The following TXNDC16 variants were observed in gnomAD, a reference collection of about 807,000 sequenced individuals.
TXNDC16 encodes the protein thioredoxin domain containing 16.
In TXNDC16, 74 loss-of-function variants were observed where a neutral mutation model predicts 85.6. The ratio of observed to expected loss-of-function variants is 0.86; its 90% confidence interval spans 0.72 to 1.05. The LOEUF (loss-of-function observed/expected upper bound fraction) is 1.05. TXNDC16 is among the 50% of genes least tolerant of loss of function. The probability of loss-of-function intolerance (pLI) is 0.00; values close to 1 mark genes in which losing one functional copy is unlikely to be tolerated. For synonymous variants in TXNDC16, 335 were observed against 326.5 expected (o/e 1.03, Z -0.28); for missense variants, 959 against 947.0 (o/e 1.01, Z -0.17).
intron 1 of TXNDC16, among the ~76,000 whole-genome samples, chr14:52,546,986 C>T (rs1184180679): frequency 6.6e-6 from 1 of 152,080 alleles, no homozygotes; most frequent in Non-Finnish European, 1.5e-5. Context: ...CCTATGTTCC[C>T]GTGGCTAATG....
chr14:52,488,695 G>A (rs1489671931), intron 11 of TXNDC16, among the ~76,000 whole-genome samples: 1 of 151,738 alleles, frequency 6.6e-6, no homozygotes, highest in Admixed American at 6.6e-5. Context: ...TTAGACTGGC[G>A]TGGTGGCGCA....
At chr14:52,497,165 A>G (rs1475674844) in intron 9 of TXNDC16, among the ~76,000 whole-genome samples, 2 of 152,156 alleles carry the variant, frequency 1.3e-5, no homozygotes, top group African/African-American at 4.8e-5. Flanking sequence ...AACTTTCAAA[A>G]ATGATATAAT....
At chr14:52,533,921 T>C (rs2037641294) in intron 6 of TXNDC16, among the ~76,000 whole-genome samples, 1 of 152,162 alleles carries the variant, frequency 6.6e-6, no homozygotes, top group African/African-American at 2.4e-5. Flanking sequence ...GGAATGCAGA[T>C]GCACATATAA....
At chr14:52,505,085 C>T (rs1399345198) in intron 9 of TXNDC16, among the ~76,000 whole-genome samples, 2 of 152,160 alleles carry the variant, frequency 1.3e-5, no homozygotes, top group Admixed American at 6.6e-5. Context: ...TTCTTAGCGA[C>T]CTACAAAGAG....
At chr14:52,500,551 T>A (rs779070312) in intron 9 of TXNDC16, among the ~76,000 whole-genome samples, 12 of 152,206 alleles carry the variant, frequency 7.9e-5, no homozygotes, top group Non-Finnish European at 8.8e-5. Context: ...ACAACGTACA[T>A]CAGCTAATAC....
chr14:52,489,416 G>C (rs1049009549), intron 11 of TXNDC16, among the ~76,000 whole-genome samples: 1 of 151,918 alleles, frequency 6.6e-6, no homozygotes, highest in Non-Finnish European at 1.5e-5. Flanking sequence ...GTTCTTGACT[G>C]TAACTCTATA....
intron 4 of TXNDC16, 23 bp downstream of exon 4, chr14:52,542,348 T>C (rs376997248): frequency 2.6e-6 from 4 of 1,514,626 alleles, no homozygotes; most frequent in Middle Eastern, 1.7e-4. Flanking sequence ...ACTAATATTT[T>C]AGTAACATAA....
At chr14:52,472,853 AG>A (rs1042593098) in intron 14 of TXNDC16, among the ~76,000 whole-genome samples, 2 of 152,134 alleles carry the variant, frequency 1.3e-5, no homozygotes, top group Non-Finnish European at 1.5e-5. Context: ...TTTCTAACAA[AG>A]AGCAGCCTGC....
chr14:52,520,234 A>C (rs2037177466), intron 6 of TXNDC16, among the ~76,000 whole-genome samples: 1 of 152,186 alleles, frequency 6.6e-6, no homozygotes, highest in Admixed American at 6.5e-5. Flanking sequence ...TAGTCCAGTA[A>C]TCTTTCCACT....
At position 52,533,540 on chromosome 14, in the gene TXNDC16, G is replaced by T. The variant is rs911576311; in HGVS notation, c.392+3179C>A. Among the ~76,000 whole-genome samples, 7 of 152,286 alleles carry T rather than the reference G, an allele frequency of 4.6e-5. No individual in the cohort carries two copies. In the East Asian group the frequency reaches 1.2e-3, roughly 25 times the overall value. The stretch of plus-strand genomic sequence containing the variant: ...ATCACTTGCCTGCCTACAGCGCTTT[G>T]CTGGGCAATCAGGTGTTAAAGTAGT... On this transcript the variant is annotated intron_variant, in intron 6 of 20. Transcript: ENST00000281741.
intron 18 of TXNDC16, among the ~76,000 whole-genome samples, chr14:52,444,143 CT>C (rs2035228108): frequency 6.6e-6 from 1 of 152,130 alleles, no homozygotes; most frequent in African/African-American, 2.4e-5. Flanking sequence ...TACTGAGACA[CT>C]AAGGAGAAAC....
In TXNDC16 at chr14:52,496,788, T is replaced by C. The variant is rs113278865; in HGVS notation, c.757-5783A>G. On this transcript the variant is annotated intron_variant, in intron 9 of 20. Transcript: ENST00000281741. ...TCATACCCAGCTAATTTTTTATGTT[T>C]TTGTAGAGATGGGGGTCTTCATATT... is the stretch of plus-strand genomic sequence containing the variant. Among the ~76,000 whole-genome samples, 179 of 152,030 alleles carry C rather than the reference T, an allele frequency of 1.2e-3. 1 individual carries two copies. The highest frequency in any genetic ancestry group is 4.2e-3 in the African/African-American group (173 of 41,464).
chr14:52,522,671 C>G (rs574230642), intron 6 of TXNDC16, among the ~76,000 whole-genome samples: 2 of 152,232 alleles, frequency 1.3e-5, no homozygotes, highest in East Asian at 3.9e-4. Context: ...CTCCTCAGAC[C>G]CACTCTGTGT....
chr14:52,527,285 C>A (rs911804648), intron 6 of TXNDC16, among the ~76,000 whole-genome samples: 1 of 152,124 alleles, frequency 6.6e-6, no homozygotes, highest in Admixed American at 6.5e-5. Flanking sequence ...CATGCAGGAT[C>A]TGATACTATC....
intron 6 of TXNDC16, among the ~76,000 whole-genome samples, chr14:52,530,258 T>TATAATAATATATATTATTATTTA (rs552800699): frequency 3.4e-5 from 2 of 59,426 alleles, no homozygotes; most frequent in African/African-American, 7.0e-5. Context: ...ATATATATTA[T>TATAATAATATATATTATTATTTA]ATAATATATA....
chr14:52,536,773 T>C lies in TXNDC16; in HGVS notation c.338A>G (p.Glu113Gly), dbSNP rs1352033464. Residue 113 changes from glutamate (E) to glycine (G), a missense_variant, in exon 6 of 21, where the codon GAA (glutamate) becomes GGA (glycine). Physicochemically the swap from Glu to Gly is moderately conservative, Grantham distance 98. Transcript: ENST00000281741. The stretch of plus-strand genomic sequence containing the variant: ...ATCAAACAAGGTGTCAGTAGGGAAT[T>C]CTCTGAGCAATATGTTGCCCCTATA... ...YLFKGNILLREFPTDTLFDVN... is the reference protein window; with the variant it reads ...YLFKGNILLRGFPTDTLFDVN... 1 of 1,611,520 alleles carries C rather than the reference T, an allele frequency of 6.2e-7. No homozygotes were observed.
At chr14:52,485,064 T>C (rs2036237749) in intron 12 of TXNDC16, among the ~76,000 whole-genome samples, 1 of 152,148 alleles carries the variant, frequency 6.6e-6, no homozygotes, top group African/African-American at 2.4e-5. Flanking sequence ...CAGGAGGTGT[T>C]CTAAAAGAAG....
intron 14 of TXNDC16, among the ~76,000 whole-genome samples, chr14:52,471,958 G>C (rs1048766481): frequency 6.7e-6 from 1 of 148,252 alleles, no homozygotes; most frequent in Non-Finnish European, 1.5e-5. Context: ...TATCATACTA[G>C]ATCAAAGAAG....
At position 52,498,107 on chromosome 14, in the gene TXNDC16, G is replaced by A. The variant is rs559935631; in HGVS notation, c.757-7102C>T. Among the ~76,000 whole-genome samples, 6 of 152,172 alleles carry A rather than the reference G, an allele frequency of 3.9e-5. No homozygotes were observed. The East Asian group carries it at 1.2e-3, about 29-fold the overall frequency. ...TTGAAAATATTCAACACAATTTCATGATAAAAACTCACAATAAACTAGGAA... is the reference window on the plus strand; with the variant it reads ...TTGAAAATATTCAACACAATTTCATAATAAAAACTCACAATAAACTAGGAA... On this transcript the variant is annotated intron_variant, in intron 9 of 20. Transcript: ENST00000281741.
Sources: gnomAD v4.1 joint callset for allele counts (sites outside exome capture counted in the v4.1 genomes callset) on GRCh38, gnomAD v4.1.1 for gene constraint, MANE v1.5 for transcripts, NCBI Gene and HGNC (gene_info 2026-07-23, HGNC 2026-07-21) for gene names.